Variants in ABCA4 observed in about 807,000 individuals in gnomAD.
The protein encoded by ABCA4 is retinal-specific phospholipid-transporting ATPase ABCA4.
A neutral mutation model predicts 263.7 loss-of-function variants in ABCA4; 196 were observed. The observed-to-expected ratio is 0.74, with a 90% confidence interval of 0.66 to 0.84. The LOEUF is 0.84. ABCA4 is among the 40% of genes least tolerant of loss of function. The pLI, the probability that ABCA4 is intolerant of heterozygous loss-of-function variation, is 0.00. For missense variants in ABCA4, 2,792 were observed against 2,855.1 expected (o/e 0.98, Z 0.50); for synonymous variants, 1,133 against 1,094.2 (o/e 1.04, Z -0.70).
At chr1:94,065,214 T>A (rs887903185) in intron 11 of ABCA4, among the ~76,000 whole-genome samples, 2 of 152,040 alleles carry the variant, frequency 1.3e-5, no homozygotes, top group Non-Finnish European at 2.9e-5. Flanking sequence ...AGCCTGGCGC[T>A]CAGGGCCCTC....
chr1:94,023,880 A>G (rs757792090), intron 31 of ABCA4, among the ~76,000 whole-genome samples: 3 of 152,336 alleles, frequency 2.0e-5, no homozygotes, highest in Admixed American at 6.5e-5. Flanking sequence ...ATCAAGGGTA[A>G]AATGACAAAA....
chr1:94,104,223 C>T (rs190542157), intron 4 of ABCA4, among the ~76,000 whole-genome samples: 1 of 152,320 alleles, frequency 6.6e-6, no homozygotes, highest in East Asian at 1.9e-4. Context: ...AGAGAAGAGC[C>T]TTATGGGCCT....
intron 6 of ABCA4, among the ~76,000 whole-genome samples, chr1:94,089,762 C>T (rs574620715): frequency 2.0e-5 from 3 of 151,956 alleles, no homozygotes; most frequent in Non-Finnish European, 4.4e-5. Context: ...GCACTTGGCC[C>T]AAAATTAAGT....
intron 6 of ABCA4, among the ~76,000 whole-genome samples, chr1:94,084,396 C>T (rs1009954242): frequency 2.6e-5 from 4 of 152,194 alleles, no homozygotes; most frequent in Admixed American, 2.0e-4. Flanking sequence ...TTTGCCAGCA[C>T]AGTTCTCCTA....
chr1:94,001,331 C>T (rs1286993159), intron 45 of ABCA4, among the ~76,000 whole-genome samples: 3 of 152,172 alleles, frequency 2.0e-5, no homozygotes, highest in African/African-American at 4.8e-5. Flanking sequence ...TTTCAGCCCA[C>T]GAGGGGATTA....
intron 17 of ABCA4, among the ~76,000 whole-genome samples, chr1:94,050,305 C>A (rs1660800608): frequency 6.6e-6 from 1 of 152,190 alleles, no homozygotes; most frequent in Non-Finnish European, 1.5e-5. Flanking sequence ...TGAGTTCCTG[C>A]CAGGCAATGC....
intron 8 of ABCA4, 109 bp downstream of exon 8, chr1:94,080,361 GGCCACTCA>G: frequency 7.0e-7 from 1 of 1,423,448 alleles, no homozygotes; most frequent in African/African-American, 1.4e-5. Flanking sequence ...CTTTACCTAA[GGCCACTCA>G]GCAAGACAAG....
chr1:94,026,038 A>G (rs1213762880), intron 30 of ABCA4, among the ~76,000 whole-genome samples: 2 of 152,208 alleles, frequency 1.3e-5, no homozygotes, highest in Non-Finnish European at 2.9e-5. Context: ...TCAAAGGTGC[A>G]TGGGTTTGTC....
chr1:94,064,550 G>GGTTCC (rs1354090234), intron 11 of ABCA4, among the ~76,000 whole-genome samples: 1 of 152,200 alleles, frequency 6.6e-6, no homozygotes, highest in Non-Finnish European at 1.5e-5. Context: ...TCCCATCTGT[G>GGTTCC]GCTGTGCTTT....
intron 10 of ABCA4, 117 bp from the exon 11 acceptor site, chr1:94,078,004 G>A: frequency 1.0e-6 from 1 of 993,244 alleles, no homozygotes; most frequent in Middle Eastern, 3.2e-4. Context: ...AAGGCTCCCT[G>A]AAGAGCTGGT....
rs1360967221 is a variant in ABCA4 at position 94,021,935 on chromosome 1, T to C, written c.4684A>G (p.Ile1562Val). The change falls in exon 33 of 50, where the codon ATT becomes GTT. Residue 1562 changes from isoleucine to valine, a missense_variant. Physicochemically the swap from Ile to Val is conservative, Grantham distance 29. Transcript: ENST00000370225. The part of the protein sequence containing the change: ...VNEQRYGGIS[I>V]GGKLPVVPIT... ...GGGACGACTGGGAGCTTTCCTCCAA[T>C]GGAAATTCCTCCATACCTGACAAGG... The C allele has an allele frequency of 3.1e-6, 5 of 1,614,040 alleles. No homozygotes were observed. The highest frequency in any genetic ancestry group is 2.5e-6 in the Non-Finnish European group (3 of 1,180,040).
chr1:94,102,946 T>G, intron 5 of ABCA4, 69 bp downstream of exon 5: 1 of 1,601,262 alleles, frequency 6.2e-7, no homozygotes, highest in Non-Finnish European at 8.6e-7. Flanking sequence ...AGCCAATATA[T>G]TTCTTGCCTT....
At chr1:94,081,106 T>G (rs1661688351) in intron 7 of ABCA4, among the ~76,000 whole-genome samples, 1 of 152,108 alleles carries the variant, frequency 6.6e-6, no homozygotes, top group Non-Finnish European at 1.5e-5. Context: ...GCCCCTGTAC[T>G]CCCAGCTATT....
chr1:94,052,702 A>G (rs1660871978), intron 16 of ABCA4, among the ~76,000 whole-genome samples: 2 of 152,218 alleles, frequency 1.3e-5, no homozygotes, highest in African/African-American at 2.4e-5. Context: ...AGTCACTGTC[A>G]TGGGTTGAAT....
intron 6 of ABCA4, among the ~76,000 whole-genome samples, chr1:94,091,576 A>ATC (rs1291965617): frequency 2.7e-4 from 32 of 120,218 alleles, no homozygotes; most frequent in African/African-American, 9.6e-4. Flanking sequence ...GGCAAACATC[A>ATC]TCTCACACAC....
At chr1:94,106,665 A>T (rs1055687990) in intron 4 of ABCA4, among the ~76,000 whole-genome samples, 3 of 152,132 alleles carry the variant, frequency 2.0e-5, no homozygotes, top group Non-Finnish European at 1.5e-5. Context: ...TACTACATAA[A>T]ATCTATGGTT....
intron 4 of ABCA4, 100 bp from the exon 5 acceptor site, chr1:94,103,242 C>T: frequency 6.8e-7 from 1 of 1,465,348 alleles, no homozygotes; most frequent in Non-Finnish European, 9.5e-7. Context: ...ACTCAACTCT[C>T]AGAGGAAGGT....
chr1:94,005,231 A>T (rs1659339945), intron 44 of ABCA4: 1 of 599,498 alleles, frequency 1.7e-6, no homozygotes, highest in Admixed American at 3.1e-5. Context: ...TAGATATGAG[A>T]GTGGGGATTT....
chr1:94,099,349 T>G (rs1159983466), intron 5 of ABCA4, among the ~76,000 whole-genome samples: 1 of 152,196 alleles, frequency 6.6e-6, no homozygotes, highest in Non-Finnish European at 1.5e-5. Context: ...AAATGGATTT[T>G]TCTCTAGAAC....
Sources: gnomAD v4.1 joint callset for allele counts (sites outside exome capture counted in the v4.1 genomes callset) on GRCh38, gnomAD v4.1.1 for gene constraint, MANE v1.5 for transcripts, NCBI Gene and HGNC (gene_info 2026-07-23, HGNC 2026-07-21) for gene names.